The following MORC2 variants were observed in gnomAD, a reference collection of about 807,000 sequenced individuals.
MORC2 encodes ATPase MORC2.
Under a neutral mutation model 136.0 loss-of-function variants are expected in MORC2, and 30 were observed. The ratio of observed to expected loss-of-function variants is 0.22; its 90% CI spans 0.17 to 0.30. The LOEUF (loss-of-function observed/expected upper bound fraction) is 0.30, where lower values mean the gene tolerates loss of function less well. Among genes scored for constraint, MORC2 ranks in the 10% least tolerant of loss-of-function variants. The pLI, the probability that MORC2 is intolerant of heterozygous loss-of-function variation, is 1.00. For synonymous variants in MORC2, 439 were observed against 487.0 expected, an observed-to-expected ratio of 0.90 and a Z score of 1.30; for missense variants, 922 against 1,333.1, an observed-to-expected ratio of 0.69 and a Z score of 4.80.
At chr22:30,965,969 G>C (rs967110798) in intron 1 of MORC2, among the ~76,000 whole-genome samples, 1 of 152,208 alleles carries the variant, frequency 6.6e-6, no homozygotes, top group Non-Finnish European at 1.5e-5. Flanking sequence ...TCTTGGCACC[G>C]TTTAAGTCTG....
At chr22:30,939,422 C>A (rs1010906953) in intron 12 of MORC2, among the ~76,000 whole-genome samples, 199 bp downstream of exon 12, 4 of 152,060 alleles carry the variant, frequency 2.6e-5, no homozygotes, top group Middle Eastern at 3.4e-3. Context: ...GTGCTCGAGC[C>A]GAGGTTGTCA....
chr22:30,929,321 T>G (rs1405198534), intron 24 of MORC2, among the ~76,000 whole-genome samples: 2 of 152,236 alleles, frequency 1.3e-5, no homozygotes, highest in Non-Finnish European at 2.9e-5. Context: ...ATTAGTTTTT[T>G]TGAAAAAATG....
intron 24 of MORC2, among the ~76,000 whole-genome samples, chr22:30,931,038 A>T (rs1007355990): frequency 6.6e-6 from 1 of 152,124 alleles, no homozygotes; most frequent in African/African-American, 2.4e-5. Context: ...CAGTCTCCTG[A>T]CGACCTCTGA....
intron 6 of MORC2, 88 bp downstream of exon 6, chr22:30,946,253 G>A (rs1220496266): frequency 3.1e-6 from 3 of 973,156 alleles, no homozygotes; most frequent in African/African-American, 1.6e-5. Context: ...ACCCCAAAGA[G>A]TCTAGCATTG....
intron 24 of MORC2, 39 bp from the exon 25 acceptor site, chr22:30,928,246 A>G (rs1432303175): frequency 6.2e-7 from 1 of 1,610,884 alleles, no homozygotes; most frequent in Non-Finnish European, 8.5e-7. Flanking sequence ...GTGTAAGTTC[A>G]CAGGGGTCCC....
chr22:30,965,879 G>A (rs1004579850), intron 1 of MORC2, among the ~76,000 whole-genome samples: 1 of 152,232 alleles, frequency 6.6e-6, no homozygotes, highest in African/African-American at 2.4e-5. Context: ...GGCTCTTGAA[G>A]GTAAAACTGA....
At chr22:30,955,982 G>A (rs893393530) in intron 3 of MORC2, among the ~76,000 whole-genome samples, 1 of 149,126 alleles carries the variant, frequency 6.7e-6, no homozygotes, top group Non-Finnish European at 1.5e-5. Context: ...ACTCCAGCCT[G>A]GGTGACAAGG....
chr22:30,967,626 A>T, intron 1 of MORC2, 196 bp downstream of exon 1: 1 of 1,370,646 alleles, frequency 7.3e-7, no homozygotes, highest in East Asian at 2.8e-5. Context: ...CAAAAATCAG[A>T]TTCTTCTGGA....
chr22:30,935,757 G>C (rs2040643264), intron 17 of MORC2, among the ~76,000 whole-genome samples: 1 of 151,992 alleles, frequency 6.6e-6, no homozygotes, highest in Non-Finnish European at 1.5e-5. Flanking sequence ...ATGATAAACA[G>C]ATGATATCAC....
intron 1 of MORC2, among the ~76,000 whole-genome samples, chr22:30,966,496 C>T (rs920975927): frequency 1.3e-5 from 2 of 152,136 alleles, no homozygotes; most frequent in Admixed American, 6.5e-5. Flanking sequence ...TGCTACAGGC[C>T]GGCCATGGTG....
chr22:30,957,351 C>A (rs1569202569), intron 2 of MORC2, among the ~76,000 whole-genome samples: 3 of 152,184 alleles, frequency 2.0e-5, no homozygotes, highest in Non-Finnish European at 4.4e-5. Context: ...ACCCCTGCCC[C>A]ATTAGACTCC....
At chr22:30,944,085 T>C (rs2040779456) in intron 6 of MORC2, among the ~76,000 whole-genome samples, 2 of 152,196 alleles carry the variant, frequency 1.3e-5, no homozygotes, top group African/African-American at 4.8e-5. Flanking sequence ...AGAAGCTTTG[T>C]GCTGCAACTA....
rs758410979 is a variant in MORC2, at chr22:30,935,038, CAGG to C, written c.1933_1935del (p.Pro645del). On this transcript the variant is annotated inframe_deletion, in exon 19 of 26. Transcript: ENST00000397641. ...GGGAGCTTTGGGGTACTGCTGATGA[CAGG>C]AGCCTTTCGGGGCTGGCTGGCTGGT... 1.2e-5 allele frequency: 20 copies of C among 1,614,040 alleles called. No individual in the cohort carries two copies. The highest frequency in any genetic ancestry group is 1.7e-5 in the Non-Finnish European group (20 of 1,180,026).
At chr22:30,933,561 C>T (rs1030908179) in intron 20 of MORC2, 41 bp from the exon 21 acceptor site, 1 of 1,607,520 alleles carries the variant, frequency 6.2e-7, no homozygotes, top group Non-Finnish European at 8.5e-7. Context: ...CCCAGTGCCC[C>T]CCAAGAGCAG....
In MORC2 at chr22:30,941,672, G is replaced by T. The variant is rs926555438; in HGVS notation, c.699-114C>A. The T allele has an allele frequency of 2.5e-5, 36 of 1,423,930 alleles. No homozygotes were observed. Among genetic ancestry groups the T allele is most frequent in the Non-Finnish European group, 3.1e-5 (33 of 1,054,086 alleles). The allele number at this position is 1,423,930 out of a possible 1,614,324, so 88.2% of individuals were successfully genotyped here. ...CTTTCCATGTTAGGTACTGACTTCT[G>T]CTGCTGCCCTGAACTGGTGCTCCCT... On this transcript the variant is annotated intron_variant, in intron 8 of 25. Transcript: ENST00000397641. The surrounding 1 kb of genome is among the most constrained non-coding windows in gnomAD (Gnocchi z 4.6).
At chr22:30,943,189 T>C (rs559350313) in intron 6 of MORC2, among the ~76,000 whole-genome samples, 1 of 152,260 alleles carries the variant, frequency 6.6e-6, no homozygotes, top group African/African-American at 2.4e-5. Flanking sequence ...TAAGAGTCCA[T>C]TTCTAAAAAA....
intron 17 of MORC2, 102 bp downstream of exon 17, chr22:30,936,409 G>A (rs2040653311): frequency 6.6e-7 from 1 of 1,510,928 alleles, no homozygotes; most frequent in Non-Finnish European, 8.9e-7. Context: ...GTGAGTGGAG[G>A]GTAAAACTGA....
intron 3 of MORC2, among the ~76,000 whole-genome samples, chr22:30,955,747 G>A (rs998319910): frequency 2.6e-5 from 4 of 151,942 alleles, no homozygotes; most frequent in East Asian, 1.9e-4. Flanking sequence ...GGTGGCTCAC[G>A]CCTGTAATCC....
intron 3 of MORC2, among the ~76,000 whole-genome samples, chr22:30,951,458 A>G (rs1418670597): frequency 6.6e-6 from 1 of 152,254 alleles, no homozygotes. Context: ...GTAGACACAA[A>G]GAAGAGAAGG....
Sources: gnomAD v4.1 joint callset for allele counts (sites outside exome capture counted in the v4.1 genomes callset) on GRCh38, gnomAD v4.1.1 for gene constraint, Gnocchi (gnomAD v3.1) non-coding constraint, MANE v1.5 for transcripts, NCBI Gene and HGNC (gene_info 2026-07-23, HGNC 2026-07-21) for gene names.